HOXB8: variants seen among roughly 807,000 people sequenced by gnomAD.
The protein encoded by HOXB8 is homeobox protein Hox-B8.
Under a neutral mutation model 22.2 loss-of-function variants are expected in HOXB8, and 17 were observed. The observed-to-expected ratio is 0.77, with a 90% CI of 0.53 to 1.15. The LOEUF (loss-of-function observed/expected upper bound fraction) is 1.15. HOXB8 is among the 50% of genes most tolerant of loss of function. The probability of loss-of-function intolerance (pLI) is 0.00; values close to 1 mark genes in which losing one functional copy is unlikely to be tolerated. For synonymous variants in HOXB8, 156 were observed against 144.6 expected, an observed-to-expected ratio of 1.08 and a Z score of -0.57; for missense variants, 287 against 323.8, an observed-to-expected ratio of 0.89 and a Z score of 0.87.
At chr17:48,613,539 G>A (rs780935990) in intron 1 of HOXB8, 30 bp from the exon 2 acceptor site, 6 of 1,203,074 alleles carry the variant, frequency 5.0e-6, no homozygotes, top group East Asian at 2.4e-5. Context: ...CGAGACAGAG[G>A]GGAGGGGAGG....
rs2070707175 is a variant in HOXB8 at position 48,614,910 on chromosome 17, A to G, written c.-206T>C. The G allele has an allele frequency of 5.7e-6, 3 of 524,932 alleles. No individual in the cohort carries two copies. Among genetic ancestry groups the G allele is most frequent in the Admixed American group, 3.8e-5 (1 of 26,512 alleles). The allele number at this position is 524,932 out of a possible 1,614,324, so 32.5% of individuals were successfully genotyped here. On this transcript the variant is annotated 5_prime_UTR_variant, in exon 1 of 2. Transcript: ENST00000239144. The surrounding 1 kb of genome is among the most constrained non-coding windows in gnomAD (Gnocchi z 4.1). The stretch of plus-strand genomic sequence containing the variant: ...GCGAAGAAGATCTCGAAGCCGACAC[A>G]CTTTTTGTGGTTTCCAGGAATAGAA...
Position 48,614,392 on chromosome 17 carries a change from C to T in HOXB8, c.313G>A (p.Val105Met). The change falls in exon 1 of 2, where the codon GTG becomes ATG. Residue 105 changes from valine to methionine, a missense_variant. Val to Met is a conservative substitution (Grantham distance 21). Coordinates refer to ENST00000239144, the MANE Select transcript of HOXB8 (RefSeq NM_024016.4). This position sits in a 1 kb window ranked among gnomAD's most constrained non-coding sequence, Gnocchi z 4.1. The stretch of plus-strand genomic sequence containing the variant: ...GCAAGCTTGCAGTCTGCGTACTGCA[C>T]CAGGTCTGGATCCTGCGCACCGAAT... ...SLFGAQDPDL[V>M]QYADCKLAAA... The T allele has an allele frequency of 6.2e-7, 1 of 1,612,892 alleles. No individual in the cohort carries two copies. The highest frequency in any genetic ancestry group is 1.1e-5 in the South Asian group (1 of 91,066).
rs756811735 is a variant in HOXB8, at chr17:48,614,678, C to T, written c.27G>A (p.Leu9=). Residue 9 remains leucine (L), a synonymous_variant, in exon 1 of 2, where the codon CTG becomes CTA. Transcript: ENST00000239144. The surrounding 1 kb of genome is among the most constrained non-coding windows in gnomAD (Gnocchi z 4.1). MSSYFVNS[L]FSKYKTGESL... The stretch of plus-strand genomic sequence containing the variant: ...ACTCCCCGGTTTTGTATTTGGAGAA[C>T]AGTGAGTTGACGAAATAAGAGCTCA... 37 of 1,586,408 alleles carry T rather than the reference C, an allele frequency of 2.3e-5. No individual in the cohort carries two copies. Among genetic ancestry groups the T allele is most frequent in the Non-Finnish European group, 2.9e-5 (34 of 1,166,168 alleles).
chr17:48,613,526 G>C lies in HOXB8; in HGVS notation c.425-17C>G. ...CGGCGGCTGCTGGGAATGGGGGAAAGGGCGAGACAGAGGGGAGGGGAGGGT... is the reference window on the plus strand; with the variant it reads ...CGGCGGCTGCTGGGAATGGGGGAAACGGCGAGACAGAGGGGAGGGGAGGGT... On this transcript the variant is annotated splice_polypyrimidine_tract_variant and intron_variant, in intron 1 of 1. Coordinates refer to ENST00000239144, the MANE Select transcript of HOXB8 (RefSeq NM_024016.4). 6.6e-7 allele frequency: 1 copy of C among 1,524,464 alleles called. No individual in the cohort carries two copies. Among genetic ancestry groups the C allele is most frequent in the African/African-American group, 1.4e-5 (1 of 72,724 alleles). The allele number at this position is 1,524,464 out of a possible 1,614,324, so 94.4% of individuals were successfully genotyped here.
rs1423215682 is a variant in HOXB8, at chr17:48,614,971, T to A, written c.-267A>T. 1.9e-5 allele frequency: 6 copies of A among 308,664 alleles called. No individual in the cohort carries two copies. Among genetic ancestry groups the A allele is most frequent in the Admixed American group, 4.6e-5 (1 of 21,736 alleles). The allele number at this position is 308,664 out of a possible 1,614,324, so 19.1% of individuals were successfully genotyped here. A position where few individuals can be genotyped will look rare whatever the true frequency, so the allele number is the denominator to read the frequency against. ...AAGCCTCCAAAAGTCTAAGCTTGCA[T>A]GGCAGCCGCGGCTCGCTCGCCCTCC... On this transcript the variant is annotated 5_prime_UTR_variant, in exon 1 of 2. The change abolishes an upstream ATG in the 5' untranslated region. Coordinates refer to ENST00000239144, the MANE Select transcript of HOXB8 (RefSeq NM_024016.4). The surrounding 1 kb of genome is among the most constrained non-coding windows in gnomAD (Gnocchi z 4.1).
At position 48,614,218 on chromosome 17, in the gene HOXB8, G is replaced by GCCTGCCCGGCCC. The variant is rs1555647373; in HGVS notation, c.424+62_424+63insGGGCCGGGCAGG. On this transcript the variant is annotated intron_variant, in intron 1 of 1. Coordinates refer to ENST00000239144, the MANE Select transcript of HOXB8 (RefSeq NM_024016.4). This position sits in a 1 kb window ranked among gnomAD's most constrained non-coding sequence, Gnocchi z 4.1. ...CAGAAGCTGGAGGAAATGCGCCCCG[G>GCCTGCCCGGCCC]CCTGCCAGGCCTTGGGCCCTTCCGG... is the stretch of plus-strand genomic sequence containing the variant. 1.3e-3 allele frequency: 160 copies of GCCTGCCCGGCCC among 124,972 alleles called. 2 individuals carry two copies. The South Asian group carries it at 0.026, about 20-fold the overall frequency. 7.7% of individuals were successfully genotyped at this position (124,972 alleles called of 1,614,324 possible).
At position 48,614,436 on chromosome 17, in the gene HOXB8, G is replaced by T. The variant is rs140795156; in HGVS notation, c.269C>A (p.Pro90Gln). The change falls in exon 1 of 2, where the codon CCG (proline) becomes CAG (glutamine). Residue 90 changes from proline (P) to glutamine (Q), a missense_variant. Pro to Gln is a moderately conservative substitution (Grantham distance 76). Transcript: ENST00000239144. The surrounding 1 kb of genome is among the most constrained non-coding windows in gnomAD (Gnocchi z 4.1). ...GDPGNFYGYD[P>Q]LQRQSLFGAQ... is the part of the protein sequence containing the mutation. ...ACCGAATAGGCTCTGGCGTTGCAGCGGGTCGTAGCCGTAGAAATTGCCGGG... is the reference window on the plus strand; with the variant it reads ...ACCGAATAGGCTCTGGCGTTGCAGCTGGTCGTAGCCGTAGAAATTGCCGGG... 6.2e-7 allele frequency: 1 copy of T among 1,613,948 alleles called. No individual in the cohort carries two copies. Among genetic ancestry groups the T allele is most frequent in the Admixed American group, 1.7e-5 (1 of 60,022 alleles).
Position 48,614,260 on chromosome 17 carries a change from T to G in HOXB8, c.424+21A>C. 6.8e-7 allele frequency: 1 copy of G among 1,470,574 alleles called. No homozygotes were observed. Among genetic ancestry groups the G allele is most frequent in the South Asian group, 1.4e-5 (1 of 71,354 alleles). 91.1% of individuals were successfully genotyped at this position (1,470,574 alleles called of 1,614,324 possible). A position where few individuals can be genotyped will look rare whatever the true frequency, so the allele number is the denominator to read the frequency against. On this transcript the variant is annotated intron_variant, in intron 1 of 1. Transcript: ENST00000239144. This position sits in a 1 kb window ranked among gnomAD's most constrained non-coding sequence, Gnocchi z 4.1. ...CCCTTCCGGCCCCCTCCTGCCCTTGTCGGCCCCGAGGCGAGCTCACCTTGC... is the reference window on the plus strand; with the variant it reads ...CCCTTCCGGCCCCCTCCTGCCCTTGGCGGCCCCGAGGCGAGCTCACCTTGC...
At position 48,614,757 on chromosome 17, in the gene HOXB8, T is replaced by TTG; in HGVS notation, c.-54_-53insCA. Reference sequence around the variant, plus strand: ...GGCGGAGGCTATAGTTGGGGGCTGTTGGGGAGGGGGTGGGGAGGGGGAAAG... The same window carrying TTG: ...GGCGGAGGCTATAGTTGGGGGCTGTTTGGGGGAGGGGGTGGGGAGGGGGAAAG... On this transcript the variant is annotated 5_prime_UTR_variant, in exon 1 of 2. Transcript: ENST00000239144. The surrounding 1 kb of genome is among the most constrained non-coding windows in gnomAD (Gnocchi z 4.1). 8.1e-5 allele frequency: 1 copy of TTG among 12,392 alleles called. No homozygotes were observed. The highest frequency in any genetic ancestry group is 1.4e-4 in the Non-Finnish European group (1 of 7,350). The allele number at this position is 12,392 out of a possible 1,614,324, so 0.8% of individuals were successfully genotyped here.
At position 48,614,278 on chromosome 17, in the gene HOXB8, C is replaced by A. The variant is rs2070694851; in HGVS notation, c.424+3G>T. 6.7e-7 allele frequency: 1 copy of A among 1,501,436 alleles called. No homozygotes were observed. Among genetic ancestry groups the A allele is most frequent in the Non-Finnish European group, 8.8e-7 (1 of 1,134,614 alleles). 93.0% of individuals were successfully genotyped at this position (1,501,436 alleles called of 1,614,324 possible). A position where few individuals can be genotyped will look rare whatever the true frequency, so the allele number is the denominator to read the frequency against. ...GCCCTTGTCGGCCCCGAGGCGAGCT[C>A]ACCTTGCGGGCGCATCCAGGGGAAG... is the stretch of plus-strand genomic sequence containing the variant. On this transcript the variant is annotated splice_donor_region_variant and intron_variant, in intron 1 of 1. Transcript: ENST00000239144. The surrounding 1 kb of genome is among the most constrained non-coding windows in gnomAD (Gnocchi z 4.1).
At position 48,613,425 on chromosome 17, in the gene HOXB8, T is replaced by C; in HGVS notation, c.509A>G (p.Tyr170Cys). ...CTCGATTCGCCGCTTACGAGTCAGA[T>C]AGGGATTAAATAGGAACTCCTTCTC... is the stretch of plus-strand genomic sequence containing the variant. ...ELEKEFLFNP[Y>C]LTRKRRIEVS... The change falls in exon 2 of 2, where the codon TAT becomes TGT. Residue 170 changes from tyrosine (Y) to cysteine (C), a missense_variant. Tyr to Cys is a radical substitution (Grantham distance 194). Around this residue, in one of 3 missense-constraint regions of HOXB8, gnomAD observed 229 missense variants for 239.8 expected, o/e 0.95. Coordinates refer to ENST00000239144, the MANE Select transcript of HOXB8 (RefSeq NM_024016.4). 3 of 1,613,358 alleles carry C rather than the reference T, an allele frequency of 1.9e-6. No homozygotes were observed. Among genetic ancestry groups the C allele is most frequent in the Admixed American group, 1.7e-5 (1 of 59,990 alleles).
chr17:48,615,211 C>A lies in HOXB8; in HGVS notation c.-507G>T, dbSNP rs3809781. Among the ~76,000 whole-genome samples the A allele has an allele frequency of 0.061, 9,082 of 149,638 alleles. 424 individuals carry two copies. The highest frequency in any genetic ancestry group is 0.16 in the South Asian group (774 of 4,726). On this transcript the variant is annotated 5_prime_UTR_variant, in exon 1 of 2. Transcript: ENST00000239144. ...TTCTTCGTACTCCTCCCGGACAGAA[C>A]GCAGAGCGAGGGTGAGAGCGAGAGA...
In HOXB8 at chr17:48,613,721, G is replaced by A. The variant is rs2070688733; in HGVS notation, c.425-212C>T. The stretch of plus-strand genomic sequence containing the variant: ...GGGGATTAGACACAAGTGAATCTAA[G>A]GGAGCCAGAAAGGGGAGCCCCCTCC... On this transcript the variant is annotated intron_variant, in intron 1 of 1. Transcript: ENST00000239144. Among the ~76,000 whole-genome samples the A allele has an allele frequency of 6.6e-5, 10 of 152,214 alleles. No homozygotes were observed. The South Asian group carries it at 2.1e-3, about 32-fold the overall frequency.
At position 48,614,263 on chromosome 17, in the gene HOXB8, G is replaced by A. The variant is rs777889597; in HGVS notation, c.424+18C>T. On this transcript the variant is annotated intron_variant, in intron 1 of 1. Coordinates refer to ENST00000239144, the MANE Select transcript of HOXB8 (RefSeq NM_024016.4). This position sits in a 1 kb window ranked among gnomAD's most constrained non-coding sequence, Gnocchi z 4.1. ...TTCCGGCCCCCTCCTGCCCTTGTCG[G>A]CCCCGAGGCGAGCTCACCTTGCGGG... The A allele has an allele frequency of 2.7e-6, 4 of 1,476,962 alleles. No homozygotes were observed. The East Asian group carries it at 9.6e-5, about 36-fold the overall frequency. 91.5% of individuals were successfully genotyped at this position (1,476,962 alleles called of 1,614,324 possible).
rs2070706566 is a variant in HOXB8, at chr17:48,614,862, G to T, written c.-158C>A. On this transcript the variant is annotated 5_prime_UTR_variant, in exon 1 of 2. Coordinates refer to ENST00000239144, the MANE Select transcript of HOXB8 (RefSeq NM_024016.4). This position sits in a 1 kb window ranked among gnomAD's most constrained non-coding sequence, Gnocchi z 4.1. The stretch of plus-strand genomic sequence containing the variant: ...GGAAAGGAGAGGGAAAGAGAGGAGG[G>T]AAAAAAAGAAAAGAAAGAAAAGGCG... 4 of 576,180 alleles carry T rather than the reference G, an allele frequency of 6.9e-6. No homozygotes were observed. The highest frequency in any genetic ancestry group is 3.6e-5 in the Admixed American group (1 of 27,588). 35.7% of individuals were successfully genotyped at this position (576,180 alleles called of 1,614,324 possible).
Position 48,614,882 on chromosome 17 carries a change from A to T in HOXB8, c.-178T>A. On this transcript the variant is annotated 5_prime_UTR_variant, in exon 1 of 2. Transcript: ENST00000239144. The surrounding 1 kb of genome is among the most constrained non-coding windows in gnomAD (Gnocchi z 4.1). ...GGAGGGAAAAAAAGAAAAGAAAGAA[A>T]AGGCGAAGAAGATCTCGAAGCCGAC... The T allele has an allele frequency of 1.8e-6, 1 of 546,086 alleles. No individual in the cohort carries two copies. Among genetic ancestry groups the T allele is most frequent in the Non-Finnish European group, 3.2e-6 (1 of 316,924 alleles). 33.8% of individuals were successfully genotyped at this position (546,086 alleles called of 1,614,324 possible). A position where few individuals can be genotyped will look rare whatever the true frequency, so the allele number is the denominator to read the frequency against.
chr17:48,612,973 C>G lies in HOXB8; in HGVS notation c.*229G>C, dbSNP rs2070671977. The G allele has an allele frequency of 4.9e-6, 1 of 202,730 alleles. No individual in the cohort carries two copies. The highest frequency in any genetic ancestry group is 9.7e-6 in the Non-Finnish European group (1 of 103,264). The allele number at this position is 202,730 out of a possible 1,614,324, so 12.6% of individuals were successfully genotyped here. The stretch of plus-strand genomic sequence containing the variant: ...TTTGCTTAAATCCTTTTCTTTCCCC[C>G]CGGCCCCCAAGAGAAGGGAAGGAGA... On this transcript the variant is annotated 3_prime_UTR_variant, in exon 2 of 2. Transcript: ENST00000239144.
At chr17:48,613,772 T>C (rs1291593556) in intron 1 of HOXB8, among the ~76,000 whole-genome samples, 1 of 151,484 alleles carries the variant, frequency 6.6e-6, no homozygotes, top group Non-Finnish European at 1.5e-5. Flanking sequence ...CAGAGTTGTG[T>C]AGGAGGTGGT....
Position 48,614,404 on chromosome 17 carries a change from C to T in HOXB8, c.301G>A (p.Asp101Asn). ...LQRQSLFGAQ[D>N]PDLVQYADCK... Reference sequence around the variant, plus strand: ...TCTGCGTACTGCACCAGGTCTGGATCCTGCGCACCGAATAGGCTCTGGCGT... The same window carrying T: ...TCTGCGTACTGCACCAGGTCTGGATTCTGCGCACCGAATAGGCTCTGGCGT... Residue 101 changes from aspartate (D) to asparagine (N), a missense_variant, in exon 1 of 2, where the codon GAT (aspartate) becomes AAT (asparagine). This residue lies in a region of HOXB8 where 229 missense variants were observed against 239.8 expected (regional missense o/e 0.95). Coordinates refer to ENST00000239144, the MANE Select transcript of HOXB8 (RefSeq NM_024016.4). This position sits in a 1 kb window ranked among gnomAD's most constrained non-coding sequence, Gnocchi z 4.1. 6.2e-7 allele frequency: 1 copy of T among 1,613,528 alleles called. No individual in the cohort carries two copies. The highest frequency in any genetic ancestry group is 8.5e-7 in the Non-Finnish European group (1 of 1,179,882).
Sources: gnomAD v4.1 joint callset for allele counts (sites outside exome capture counted in the v4.1 genomes callset) on GRCh38, gnomAD v4.1.1 for gene constraint, gnomAD v4.1.1 regional missense constraint, Gnocchi (gnomAD v3.1) non-coding constraint, MANE v1.5 for transcripts, NCBI Gene and HGNC (gene_info 2026-07-23, HGNC 2026-07-21) for gene names.